Variants in RHBDL3 observed in about 807,000 individuals in gnomAD.
The protein encoded by RHBDL3 is rhomboid like 3.
In RHBDL3, 28 loss-of-function variants were observed where a neutral mutation model predicts 48.2. That is an observed-to-expected ratio of 0.58 (90% confidence interval 0.43 to 0.80). The LOEUF (loss-of-function observed/expected upper bound fraction) is 0.80, where lower values mean the gene tolerates loss of function less well. RHBDL3 is among the 30% of genes least tolerant of loss of function. The pLI, the probability that RHBDL3 is intolerant of heterozygous loss-of-function variation, is 0.00. For missense variants in RHBDL3, 464 were observed against 542.7 expected (o/e 0.85, Z 1.44); for synonymous variants, 208 against 232.3 (o/e 0.90, Z 0.95).
chr17:32,324,191 A>C lies in RHBDL3; in HGVS notation c.*2962A>C, dbSNP rs116663412. ...ACAGAAACTGGGGAAGGGAAAACAAACCTTCAAAGGAGAAATTTCGCTTTA... is the reference window on the plus strand; with the variant it reads ...ACAGAAACTGGGGAAGGGAAAACAACCCTTCAAAGGAGAAATTTCGCTTTA... On this transcript the variant is annotated 3_prime_UTR_variant, in exon 9 of 9. Transcript: ENST00000269051. The C allele has an allele frequency of 6.5e-6, 1 of 152,740 alleles. No homozygotes were observed. The highest frequency in any genetic ancestry group is 2.4e-5 in the African/African-American group (1 of 41,560). The allele number at this position is 152,740 out of a possible 1,614,324, so 9.5% of individuals were successfully genotyped here. A position where few individuals can be genotyped will look rare whatever the true frequency, so the allele number is the denominator to read the frequency against.
At chr17:32,271,054 A>T (rs1371194819) in intron 2 of RHBDL3, among the ~76,000 whole-genome samples, 1 of 152,202 alleles carries the variant, frequency 6.6e-6, no homozygotes, top group Non-Finnish European at 1.5e-5. Context: ...TTAAAAAAAA[A>T]TTTGTTAAAG....
At chr17:32,282,822 C>T (rs537229550) in intron 2 of RHBDL3, among the ~76,000 whole-genome samples, 2 of 152,248 alleles carry the variant, frequency 1.3e-5, no homozygotes, top group South Asian at 4.1e-4. Flanking sequence ...CGGGGTTTCA[C>T]CGTGTTAGCC....
At chr17:32,282,926 G>A (rs2040093130) in intron 2 of RHBDL3, among the ~76,000 whole-genome samples, 2 of 152,090 alleles carry the variant, frequency 1.3e-5, no homozygotes, top group Admixed American at 6.6e-5. Context: ...CCGGCCTTCT[G>A]TGGAGAATTG....
Position 32,298,632 on chromosome 17 carries a change from G to A in RHBDL3, c.781+428G>A, listed in dbSNP as rs554291386. On this transcript the variant is annotated intron_variant, in intron 6 of 8. Transcript: ENST00000269051. ...ACAACAGTGCTCCGAAAACTGCAAG[G>A]GCACAGTGAGATCCCCACAGGGGAA... Among the ~76,000 whole-genome samples the A allele has an allele frequency of 7.9e-5, 12 of 152,330 alleles. No homozygotes were observed. The East Asian group carries it at 2.3e-3, about 29-fold the overall frequency.
At position 32,324,301 on chromosome 17, in the gene RHBDL3, A is replaced by G. The variant is rs1030513292; in HGVS notation, c.*3072A>G. The G allele has an allele frequency of 4.6e-5, 7 of 152,772 alleles. No individual in the cohort carries two copies. In the East Asian group the frequency reaches 5.8e-4, roughly 13 times the overall value. 9.5% of individuals were successfully genotyped at this position (152,772 alleles called of 1,614,324 possible). On this transcript the variant is annotated 3_prime_UTR_variant, in exon 9 of 9. Transcript: ENST00000269051. The stretch of plus-strand genomic sequence containing the variant: ...CCAGCTAATAGGACTCTCGATTTCC[A>G]TGAGAACCATTCTTGCCCAGAGGAT...
At chr17:32,274,874 A>ATGTG (rs145318862) in intron 2 of RHBDL3, among the ~76,000 whole-genome samples, 2 of 151,488 alleles carry the variant, frequency 1.3e-5, no homozygotes, top group African/African-American at 2.4e-5. Context: ...AAGAGTGTGC[A>ATGTG]TGTGTGTGTG....
At chr17:32,303,203 G>A (rs933537014) in intron 6 of RHBDL3, among the ~76,000 whole-genome samples, 4 of 152,158 alleles carry the variant, frequency 2.6e-5, no homozygotes, top group African/African-American at 9.7e-5. Flanking sequence ...GCCCTGGGGC[G>A]GCTCTGCCTT....
rs561120912 is a variant in RHBDL3, at chr17:32,289,070, G to A, written c.519+54G>A. ...TCTGCCTTGGGGAGTGGCGGGTATGGGGAGAGGAGCCAAGAGGATGACACA... is the reference window on the plus strand; with the variant it reads ...TCTGCCTTGGGGAGTGGCGGGTATGAGGAGAGGAGCCAAGAGGATGACACA... On this transcript the variant is annotated intron_variant, in intron 4 of 8. Coordinates refer to ENST00000269051, the MANE Select transcript of RHBDL3 (RefSeq NM_138328.3). 5.2e-5 allele frequency: 76 copies of A among 1,450,204 alleles called. No individual in the cohort carries two copies. The Admixed American group carries it at 6.3e-4, about 12-fold the overall frequency. 89.8% of individuals were successfully genotyped at this position (1,450,204 alleles called of 1,614,324 possible). A position where few individuals can be genotyped will look rare whatever the true frequency, so the allele number is the denominator to read the frequency against.
intron 5 of RHBDL3, among the ~76,000 whole-genome samples, chr17:32,297,348 A>G (rs1399533000): frequency 1.3e-5 from 2 of 152,064 alleles, no homozygotes; most frequent in Non-Finnish European, 2.9e-5. Flanking sequence ...TGTAATCCCA[A>G]CTACTTGGGA....
chr17:32,278,203 C>T (rs1040191713), intron 2 of RHBDL3, among the ~76,000 whole-genome samples: 5 of 152,176 alleles, frequency 3.3e-5, no homozygotes, highest in African/African-American at 9.7e-5. Flanking sequence ...GAGGCTGAGG[C>T]AGGAAAATTG....
At chr17:32,289,079 G>A (rs530345368) in intron 4 of RHBDL3, 63 bp downstream of exon 4, 2 of 1,330,898 alleles carry the variant, frequency 1.5e-6, no homozygotes, top group Non-Finnish European at 2.2e-6. Context: ...GGGGAGAGGA[G>A]CCAAGAGGAT....
At chr17:32,273,049 AG>A (rs2039810286) in intron 2 of RHBDL3, among the ~76,000 whole-genome samples, 1 of 152,216 alleles carries the variant, frequency 6.6e-6, no homozygotes, top group African/African-American at 2.4e-5. Flanking sequence ...TGCCCAGGTT[AG>A]AGTGCAGTAG....
Position 32,294,423 on chromosome 17 carries a change from T to C in RHBDL3, c.649T>C (p.Tyr217His). 1 of 1,614,096 alleles carries C rather than the reference T, an allele frequency of 6.2e-7. No homozygotes were observed. Among genetic ancestry groups the C allele is most frequent in the Non-Finnish European group, 8.5e-7 (1 of 1,179,988 alleles). ...AGCACAGGTTTGGCGCTACCTGACA[T>C]ACATCTTCATGCATGCAGGGTGAGT... ...LRAQVWRYLT[Y>H]IFMHAGIEHL... Residue 217 changes from tyrosine to histidine, a missense_variant, in exon 5 of 9, where the codon TAC (tyrosine) becomes CAC (histidine). Transcript: ENST00000269051.
chr17:32,304,757 G>A (rs142356810), intron 6 of RHBDL3, among the ~76,000 whole-genome samples: 96 of 152,244 alleles, frequency 6.3e-4, no homozygotes, highest in African/African-American at 2.2e-3. Flanking sequence ...TTTACTTTGG[G>A]CAGGACACTT....
intron 6 of RHBDL3, among the ~76,000 whole-genome samples, chr17:32,299,125 A>G (rs990234049): frequency 1.4e-5 from 2 of 144,586 alleles, no homozygotes; most frequent in Non-Finnish European, 3.0e-5. Context: ...CTTTGTGTGT[A>G]TGTTTAAGTA....
chr17:32,317,570 A>T (rs1008667436), intron 8 of RHBDL3, among the ~76,000 whole-genome samples: 2 of 152,194 alleles, frequency 1.3e-5, no homozygotes, highest in Non-Finnish European at 2.9e-5. Context: ...CTGAACTAAC[A>T]TATAGATGGG....
intron 3 of RHBDL3, among the ~76,000 whole-genome samples, chr17:32,286,139 G>T (rs2040194233): frequency 6.6e-6 from 1 of 152,188 alleles, no homozygotes; most frequent in South Asian, 2.1e-4. Context: ...TGCCACCAAA[G>T]ACCAGGCCAA....
At chr17:32,283,544 C>T (rs1043413393) in intron 2 of RHBDL3, among the ~76,000 whole-genome samples, 22 of 151,734 alleles carry the variant, frequency 1.4e-4, no homozygotes, top group Non-Finnish European at 2.6e-4. Context: ...AGGATGGTCT[C>T]CATCTCCTGA....
intron 2 of RHBDL3, among the ~76,000 whole-genome samples, chr17:32,271,013 T>A (rs2039760753): frequency 6.6e-6 from 1 of 152,118 alleles, no homozygotes; most frequent in South Asian, 2.1e-4. Flanking sequence ...CTGGGCAACA[T>A]AGCGAGACCC....
Sources: gnomAD v4.1 joint callset for allele counts (sites outside exome capture counted in the v4.1 genomes callset) on GRCh38, gnomAD v4.1.1 for gene constraint, MANE v1.5 for transcripts, NCBI Gene and HGNC (gene_info 2026-07-23, HGNC 2026-07-21) for gene names.